The following STON2 variants were observed in gnomAD, a reference collection of about 807,000 sequenced individuals.
STON2 encodes the protein stonin 2.
In STON2, 29 loss-of-function variants were observed where a neutral mutation model predicts 65.7. The ratio of observed to expected loss-of-function variants is 0.44; its 90% CI spans 0.33 to 0.60. The LOEUF is 0.60. STON2 is among the 20% of genes least tolerant of loss of function. STON2 has a pLI of 0.03. For missense variants in STON2, 1,054 were observed against 1,118.1 expected (o/e 0.94, Z 0.82); for synonymous variants, 404 against 414.2 (o/e 0.98, Z 0.30).
At chr14:81,274,530 TTC>T (rs2140110204) in intron 6 of STON2, among the ~76,000 whole-genome samples, 1 of 152,174 alleles carries the variant, frequency 6.6e-6, no homozygotes, top group South Asian at 2.1e-4. Flanking sequence ...AGCAGTCTTT[TTC>T]TTTCTCTCCT....
At chr14:81,289,655 G>T (rs1174318044) in intron 5 of STON2, among the ~76,000 whole-genome samples, 2 of 152,198 alleles carry the variant, frequency 1.3e-5, no homozygotes, top group Non-Finnish European at 2.9e-5. Flanking sequence ...AACAATAAAT[G>T]TTAATTACCT....
At chr14:81,327,093 G>A (rs1897029667) in intron 4 of STON2, among the ~76,000 whole-genome samples, 1 of 152,202 alleles carries the variant, frequency 6.6e-6, no homozygotes, top group Non-Finnish European at 1.5e-5. Context: ...GAGAGGCAGA[G>A]GCTGCAGTCA....
intron 7 of STON2, 99 bp downstream of exon 7, chr14:81,270,571 G>C (rs1473808835): frequency 3.1e-6 from 5 of 1,606,742 alleles, no homozygotes; most frequent in Non-Finnish European, 4.3e-6. Context: ...GAGGTTACCA[G>C]GCGAACATAG....
intron 5 of STON2, among the ~76,000 whole-genome samples, chr14:81,303,739 T>C (rs1896061800): frequency 6.6e-6 from 1 of 152,224 alleles, no homozygotes. Flanking sequence ...GAGGTATATT[T>C]ACAGTTTATA....
At chr14:81,271,063 G>A (rs980192265) in intron 6 of STON2, among the ~76,000 whole-genome samples, 191 bp from the exon 7 acceptor site, 1 of 152,060 alleles carries the variant, frequency 6.6e-6, no homozygotes, top group African/African-American at 2.4e-5. Flanking sequence ...TCAGCCCCTC[G>A]ATATAACTCC....
At chr14:81,403,319 T>C (rs73341977), upstream of STON2, among the ~76,000 whole-genome samples, 515 of 152,334 alleles carry the variant, frequency 3.4e-3, 1 homozygote, top group African/African-American at 0.012. Context: ...CAAGTGGCAA[T>C]CACTGAATGC....
chr14:81,402,932 G>A (rs898797043), upstream of STON2, among the ~76,000 whole-genome samples: 1 of 152,178 alleles, frequency 6.6e-6, no homozygotes, highest in African/African-American at 2.4e-5. Flanking sequence ...TATGAGAAAT[G>A]AACAAAGGAT....
rs1894976528 is a variant in STON2 at position 81,278,613 on chromosome 14, ACC to A, written c.867_868del (p.Trp289CysfsTer4). 1.3e-5 allele frequency: 21 copies of A among 1,591,298 alleles called. No individual in the cohort carries two copies. The highest frequency in any genetic ancestry group is 1.8e-5 in the Non-Finnish European group (21 of 1,167,212). On this transcript the variant is annotated frameshift_variant, in exon 6 of 8. Coordinates refer to ENST00000614646, the MANE Select transcript of STON2 (RefSeq NM_001394390.1). LOFTEE classifies it high-confidence loss of function. ...GCTGACTTCATTGTCATCAAAGGTG[ACC>A]CAGCTGGGAAAACGAGCAGAGGTCA...
chr14:81,264,470 C>T lies in STON2; in HGVS notation c.*3944G>A. 1 of 985,426 alleles carries T rather than the reference C, an allele frequency of 1.0e-6. No homozygotes were observed. Among genetic ancestry groups the T allele is most frequent in the Admixed American group, 6.1e-5 (1 of 16,282 alleles). The allele number at this position is 985,426 out of a possible 1,614,324, so 61.0% of individuals were successfully genotyped here. A position where few individuals can be genotyped will look rare whatever the true frequency, so the allele number is the denominator to read the frequency against. On this transcript the variant is annotated 3_prime_UTR_variant, in exon 8 of 8. Transcript: ENST00000614646. ...TATTTCATGAGTATACGTTTGCCCT[C>T]CTGGCAAGCATTTAAGGTGGCTGAA...
chr14:81,363,461 C>A (rs1898586599), intron 4 of STON2, among the ~76,000 whole-genome samples: 1 of 151,780 alleles, frequency 6.6e-6, no homozygotes, highest in Non-Finnish European at 1.5e-5. Context: ...TTCTGAGAAA[C>A]TTTTGAACCT....
chr14:81,384,393 G>A (rs1459812781), intron 3 of STON2, among the ~76,000 whole-genome samples: 4 of 151,884 alleles, frequency 2.6e-5, no homozygotes, highest in African/African-American at 9.7e-5. Flanking sequence ...GATTACAGGC[G>A]CCCGGCTAAT....
At chr14:81,436,253 C>T (rs1232482375) in intron 1 of STON2, 2 of 151,494 alleles carry the variant, frequency 1.3e-5, no homozygotes, top group Admixed American at 6.6e-5. Context: ...GCCCCCCGCC[C>T]GCTCCACCTG....
chr14:81,419,552 C>T (rs1340651213), intron 2 of STON2, among the ~76,000 whole-genome samples: 1 of 152,174 alleles, frequency 6.6e-6, no homozygotes, highest in Non-Finnish European at 1.5e-5. Flanking sequence ...CTGCCCAATT[C>T]CCCTAAATGA....
In STON2 at chr14:81,263,551, A is replaced by AAAAC. The variant is rs1894238940; in HGVS notation, c.*4862_*4863insGTTT. On this transcript the variant is annotated 3_prime_UTR_variant, in exon 8 of 8. Transcript: ENST00000614646. ...AGACTCCGTCTCAAAAAAAAAAAAA[A>AAAAC]AAAAAAAAACAAAAAAGAAAATGCT... The AAAAC allele has an allele frequency of 2.6e-5, 5 of 190,918 alleles. No individual in the cohort carries two copies. Among genetic ancestry groups the AAAAC allele is most frequent in the Non-Finnish European group, 3.8e-5 (4 of 104,242 alleles). 11.8% of individuals were successfully genotyped at this position (190,918 alleles called of 1,614,324 possible).
chr14:81,265,828 C>T lies in STON2; in HGVS notation c.*2586G>A, dbSNP rs1047848574. 1.1e-5 allele frequency: 11 copies of T among 985,148 alleles called. No homozygotes were observed. The highest frequency in any genetic ancestry group is 1.0e-3 in the Middle Eastern group (2 of 1,914). 61.0% of individuals were successfully genotyped at this position (985,148 alleles called of 1,614,324 possible). ...TTACCATGGGGGGCGGGGAAATAAG[C>T]TCCAACAAGCAATCCACATGTTATG... is the stretch of plus-strand genomic sequence containing the variant. On this transcript the variant is annotated 3_prime_UTR_variant, in exon 8 of 8. Transcript: ENST00000614646.
At chr14:81,425,951 C>G (rs60733078) in intron 2 of STON2, among the ~76,000 whole-genome samples, 12,165 of 152,154 alleles carry the variant, frequency 0.08, 796 homozygotes, top group East Asian at 0.18. Flanking sequence ...CGGATTTCAG[C>G]TTAGGGAAAA....
At chr14:81,376,016 A>C (rs565061533) in intron 3 of STON2, among the ~76,000 whole-genome samples, 11 of 151,888 alleles carry the variant, frequency 7.2e-5, no homozygotes, top group African/African-American at 2.7e-4. Flanking sequence ...AATATTTTGA[A>C]TCAAGCAATA....
At chr14:81,358,385 CA>C (rs201346772) in intron 4 of STON2, among the ~76,000 whole-genome samples, 2,790 of 151,904 alleles carry the variant, frequency 0.018, 45 homozygotes, top group South Asian at 0.075. Context: ...TTGGTGATCA[CA>C]AAGCAAAAAT....
intron 5 of STON2, among the ~76,000 whole-genome samples, chr14:81,287,513 G>A (rs1035318037): frequency 8.6e-5 from 13 of 152,000 alleles, no homozygotes; most frequent in African/African-American, 2.9e-4. Context: ...GCAGTACTGC[G>A]CACCTTCTTC....
Sources: allele counts gnomAD v4.1 joint callset (sites outside exome capture counted in the v4.1 genomes callset), GRCh38; gene constraint gnomAD v4.1.1; transcripts MANE v1.5; gene names NCBI Gene and HGNC (gene_info 2026-07-23, HGNC 2026-07-21).